LRRC7: variants seen among roughly 807,000 people sequenced by gnomAD.
LRRC7 encodes the protein leucine-rich repeat-containing protein 7.
Under a neutral mutation model 175.7 loss-of-function variants are expected in LRRC7, and 23 were observed. The observed-to-expected ratio is 0.13, with a 90% CI of 0.09 to 0.19. The LOEUF is 0.19. Ranked by LOEUF, LRRC7 falls within the 10% of genes least tolerant of loss-of-function variation. The pLI is 1.00. For synonymous variants in LRRC7, 685 were observed against 680.9 expected (o/e 1.01, Z -0.09); for missense variants, 1,354 against 1,904.7 (o/e 0.71, Z 5.38).
At chr1:69,645,673 T>C (rs1250371823) in intron 1 of LRRC7, among the ~76,000 whole-genome samples, 1 of 152,082 alleles carries the variant, frequency 6.6e-6, no homozygotes, top group Non-Finnish European at 1.5e-5. Context: ...ATACTGCTTT[T>C]TTTAGAAAAT....
At chr1:69,817,926 T>C (rs1314274451) in intron 4 of LRRC7, among the ~76,000 whole-genome samples, 1 of 152,140 alleles carries the variant, frequency 6.6e-6, no homozygotes, top group African/African-American at 2.4e-5. Flanking sequence ...TAGTTTGTTG[T>C]GAGTGTATGG....
chr1:70,053,160 A>C lies in LRRC7; in HGVS notation c.4230+15A>C. On this transcript the variant is annotated intron_variant, in intron 23 of 26. Coordinates refer to ENST00000651989, the MANE Select transcript of LRRC7 (RefSeq NM_001370785.2). ...TTACTAAGAAGGTAACCAATTTTTA[A>C]TTAACAAGACAAACCATGAACCTTG... The C allele has an allele frequency of 6.3e-7, 1 of 1,597,098 alleles. No individual in the cohort carries two copies. The highest frequency in any genetic ancestry group is 8.5e-7 in the Non-Finnish European group (1 of 1,172,432).
Position 70,053,290 on chromosome 1 carries a change from C to A in LRRC7, c.4230+145C>A, listed in dbSNP as rs76293996. ...TATGCTACTACACGAGTTTGGTTGA[C>A]TGTAAGTACATTGAAATGAATGGAA... On this transcript the variant is annotated intron_variant, in intron 23 of 26. Transcript: ENST00000651989. 1.6e-5 allele frequency: 11 copies of A among 684,020 alleles called. No individual in the cohort carries two copies. In the East Asian group the frequency reaches 3.7e-4, roughly 23 times the overall value. 42.4% of individuals were successfully genotyped at this position (684,020 alleles called of 1,614,324 possible). A position where few individuals can be genotyped will look rare whatever the true frequency, so the allele number is the denominator to read the frequency against.
chr1:69,719,137 A>G (rs1006306967), intron 2 of LRRC7, among the ~76,000 whole-genome samples: 2 of 151,776 alleles, frequency 1.3e-5, no homozygotes, highest in African/African-American at 4.8e-5. Flanking sequence ...AAAGTATGTT[A>G]GTTAAGGAAG....
chr1:69,690,136 T>C (rs1431723653), intron 2 of LRRC7, among the ~76,000 whole-genome samples: 1 of 152,218 alleles, frequency 6.6e-6, no homozygotes, highest in Non-Finnish European at 1.5e-5. Context: ...TAGTTATTTT[T>C]GCAGCCAAAC....
chr1:69,859,165 A>G (rs1461256853), intron 7 of LRRC7, among the ~76,000 whole-genome samples: 2 of 152,166 alleles, frequency 1.3e-5, no homozygotes, highest in African/African-American at 4.8e-5. Context: ...ACTTCTTCAT[A>G]TACAACTTAT....
intron 2 of LRRC7, among the ~76,000 whole-genome samples, chr1:69,682,119 C>T (rs1660564918): frequency 6.6e-6 from 1 of 152,064 alleles, no homozygotes; most frequent in African/African-American, 2.4e-5. Flanking sequence ...GCTGAAGTCA[C>T]TTTTAGGTTC....
intron 1 of LRRC7, among the ~76,000 whole-genome samples, chr1:69,653,671 G>T (rs1324466886): frequency 6.6e-6 from 1 of 151,966 alleles, no homozygotes; most frequent in Non-Finnish European, 1.5e-5. Flanking sequence ...CAAAACAATT[G>T]AAATCAGGAT....
At position 69,931,538 on chromosome 1, in the gene LRRC7, C is replaced by G. The variant is rs765386695; in HGVS notation, c.679C>G (p.Leu227Val). ...SMHKLAQLERLDLGNNEFGEL... is the reference protein window; with the variant it reads ...SMHKLAQLERVDLGNNEFGEL... The stretch of plus-strand genomic sequence containing the variant: ...GCACAAACTGGCCCAGTTGGAAAGA[C>G]TTGACCTAGGCAATAATGAATTCGG... The change falls in exon 8 of 27, where the codon CTT (leucine) becomes GTT (valine). Residue 227 changes from leucine (L) to valine (V), a missense_variant. Leu to Val is a conservative substitution (Grantham distance 32, BLOSUM62 1). This residue lies in a region of LRRC7 where 201 missense variants were observed against 481.4 expected (regional missense o/e 0.42). Coordinates refer to ENST00000651989, the MANE Select transcript of LRRC7 (RefSeq NM_001370785.2). 1 of 1,613,920 alleles carries G rather than the reference C, an allele frequency of 6.2e-7. No homozygotes were observed. Among genetic ancestry groups the G allele is most frequent in the Admixed American group, 1.7e-5 (1 of 60,008 alleles).
intron 18 of LRRC7, among the ~76,000 whole-genome samples, chr1:70,035,403 G>A (rs1053656523): frequency 1.3e-4 from 20 of 151,920 alleles, no homozygotes; most frequent in Admixed American, 3.3e-4. Context: ...AGTTATAGTC[G>A]TGTATCGATG....
At chr1:69,694,618 G>C (rs888154206) in intron 2 of LRRC7, among the ~76,000 whole-genome samples, 12 of 152,094 alleles carry the variant, frequency 7.9e-5, no homozygotes, top group African/African-American at 2.9e-4. Flanking sequence ...CTAGTGGGTG[G>C]TGTTTGATTC....
At chr1:69,856,460 T>A (rs755745950) in intron 7 of LRRC7, among the ~76,000 whole-genome samples, 2 of 152,022 alleles carry the variant, frequency 1.3e-5, no homozygotes, top group Non-Finnish European at 2.9e-5. Flanking sequence ...AAATACAAAC[T>A]ACCATCAGAG....
intron 25 of LRRC7, among the ~76,000 whole-genome samples, chr1:70,094,809 C>G (rs1158232147): frequency 6.6e-6 from 1 of 152,112 alleles, no homozygotes; most frequent in Non-Finnish European, 1.5e-5. Flanking sequence ...TCCAGTTTTG[C>G]TCAACTTCAT....
chr1:69,662,106 G>A (rs800931), intron 1 of LRRC7, among the ~76,000 whole-genome samples: 16,411 of 152,022 alleles, frequency 0.11, 1,083 homozygotes, highest in African/African-American at 0.19. Context: ...CAGTGACATT[G>A]GACAAGTGGG....
At chr1:70,107,479 A>G (rs1308537826) in intron 25 of LRRC7, among the ~76,000 whole-genome samples, 3 of 152,220 alleles carry the variant, frequency 2.0e-5, no homozygotes, top group Admixed American at 2.0e-4. Flanking sequence ...TTTAAGGAAA[A>G]AATCATTAAG....
chr1:70,042,249 G>T (rs1451424312), intron 21 of LRRC7, among the ~76,000 whole-genome samples: 1 of 152,102 alleles, frequency 6.6e-6, no homozygotes, highest in Non-Finnish European at 1.5e-5. Context: ...ATGAATTCAG[G>T]GTACTGAAGC....
intron 12 of LRRC7, among the ~76,000 whole-genome samples, chr1:70,012,345 G>A (rs1479148640): frequency 6.6e-6 from 1 of 151,642 alleles, no homozygotes; most frequent in East Asian, 1.9e-4. Context: ...GATCCACCAA[G>A]AGATTCTGTT....
chr1:69,896,533 T>C lies in LRRC7; in HGVS notation c.648-34974T>C, dbSNP rs1420515545. ...TATTATTTTATAGGTATCTTATACA[T>C]GGATTAAAAGTGAGGCTGCTGAAAT... On this transcript the variant is annotated intron_variant, in intron 7 of 26. Coordinates refer to ENST00000651989, the MANE Select transcript of LRRC7 (RefSeq NM_001370785.2). Among the ~76,000 whole-genome samples the C allele has an allele frequency of 5.3e-5, 8 of 152,270 alleles. No homozygotes were observed. The South Asian group carries it at 1.7e-3, about 32-fold the overall frequency.
chr1:70,121,667 TA>T lies in LRRC7; in HGVS notation c.4621-108del. ...ATAATTGCGATTCCATTGTGAATTA[TA>T]AAAACTGACAACTTTTTGTTGCTCA... is the stretch of plus-strand genomic sequence containing the variant. On this transcript the variant is annotated intron_variant, in intron 26 of 26. Coordinates refer to ENST00000651989, the MANE Select transcript of LRRC7 (RefSeq NM_001370785.2). 4.5e-6 allele frequency: 3 copies of T among 671,022 alleles called. No homozygotes were observed. In the Admixed American group the frequency reaches 8.8e-5, roughly 20 times the overall value. 41.6% of individuals were successfully genotyped at this position (671,022 alleles called of 1,614,324 possible). A position where few individuals can be genotyped will look rare whatever the true frequency, so the allele number is the denominator to read the frequency against.
Sources: gnomAD v4.1 joint callset for allele counts (sites outside exome capture counted in the v4.1 genomes callset) on GRCh38, gnomAD v4.1.1 for gene constraint, gnomAD v4.1.1 regional missense constraint, MANE v1.5 for transcripts, NCBI Gene and HGNC (gene_info 2026-07-23, HGNC 2026-07-21) for gene names.